Variants in NRK observed in about 807,000 individuals in gnomAD.
The protein encoded by NRK is nik-related protein kinase.
Under a neutral mutation model 125.2 loss-of-function variants are expected in NRK, and 67 were observed. The ratio of observed to expected loss-of-function variants is 0.54; its 90% confidence interval spans 0.44 to 0.66. The LOEUF (loss-of-function observed/expected upper bound fraction) is 0.66. Ranked by LOEUF, NRK falls within the 30% of genes least tolerant of loss-of-function variation. The pLI is 0.00. For missense variants in NRK, 1,224 were observed against 1,192.9 expected, an observed-to-expected ratio of 1.03 and a Z score of -0.38; for synonymous variants, 458 against 429.0, an observed-to-expected ratio of 1.07 and a Z score of -0.84.
At chrX:105,923,923 ATATG>A (rs201408143) in intron 18 of NRK, among the ~76,000 whole-genome samples, 2,400 of 87,587 alleles carry the variant, frequency 0.027, 133 homozygotes, top group African/African-American at 0.12. Context: ...ATATATATAT[ATATG>A]TGAAATTTAA....
intron 9 of NRK, among the ~76,000 whole-genome samples, chrX:105,903,269 C>A (rs1280862143): frequency 9.0e-6 from 1 of 110,570 alleles, no homozygotes; most frequent in Non-Finnish European, 1.9e-5. Context: ...TATTGTAGAT[C>A]ATTTTAAATA....
At chrX:105,826,026 C>T (rs2039087848) in intron 1 of NRK, among the ~76,000 whole-genome samples, 3 of 101,182 alleles carry the variant, frequency 3.0e-5, no homozygotes, top group Admixed American at 2.3e-4. Context: ...GCGTGTATGC[C>T]TCTCTGTCTC....
rs1043431630 is a variant in NRK at position 105,923,055 on chromosome X, C to G, written c.2611-63C>G. The stretch of plus-strand genomic sequence containing the variant: ...TTTCAAAATGTTGTCAGCTTGGAAA[C>G]TTTCCAATCTAGAAGAAAATGAAAG... On this transcript the variant is annotated intron_variant, in intron 17 of 28. Coordinates refer to ENST00000243300, the MANE Select transcript of NRK (RefSeq NM_198465.4). The G allele has an allele frequency of 3.4e-5, 35 of 1,025,199 alleles. No individual in the cohort carries two copies. In the Admixed American group the frequency reaches 1.1e-3, roughly 31 times the overall value. 84.5% of individuals were successfully genotyped at this position (1,025,199 alleles called of 1,213,427 possible).
At chrX:105,844,370 T>C (rs1302257420) in intron 2 of NRK, among the ~76,000 whole-genome samples, 1 of 111,392 alleles carries the variant, frequency 9.0e-6, no homozygotes, top group Non-Finnish European at 1.9e-5. Flanking sequence ...CCACCACCAC[T>C]ACTGCACCCA....
chrX:105,870,055 G>T (rs1020732828), intron 2 of NRK, among the ~76,000 whole-genome samples: 1 of 111,123 alleles, frequency 9.0e-6, no homozygotes, highest in African/African-American at 3.3e-5. Flanking sequence ...AAAGGAAAAG[G>T]TATACAATCT....
intron 16 of NRK, 71 bp from the exon 17 acceptor site, chrX:105,921,893 T>A: frequency 2.1e-6 from 1 of 471,470 alleles, no homozygotes; most frequent in Non-Finnish European, 3.7e-6. Flanking sequence ...GGGATTTAAC[T>A]GATACACTAT....
chrX:105,864,973 G>A (rs1298314849), intron 2 of NRK, among the ~76,000 whole-genome samples: 3 of 111,196 alleles, frequency 2.7e-5, no homozygotes, highest in African/African-American at 9.8e-5. Context: ...TGAAAAGCAG[G>A]GTTCTATTCT....
chrX:105,833,769 A>T (rs1168107238), intron 2 of NRK, among the ~76,000 whole-genome samples: 1 of 111,666 alleles, frequency 9.0e-6, no homozygotes, highest in Non-Finnish European at 1.9e-5. Context: ...GCATACAGTC[A>T]TATAACTGCC....
chrX:105,950,656 T>C (rs1259709127), intron 27 of NRK, among the ~76,000 whole-genome samples: 2 of 108,107 alleles, frequency 1.9e-5, no homozygotes, highest in African/African-American at 6.7e-5. Context: ...GTGTCCCATC[T>C]CAGAAAGCAA....
chrX:105,910,003 T>C, intron 13 of NRK, 121 bp downstream of exon 13: 1 of 501,047 alleles, frequency 2.0e-6, no homozygotes, highest in East Asian at 3.9e-5. Flanking sequence ...CTACAGAAGA[T>C]ATACTAAATA....
At chrX:105,919,872 T>G (rs967916703) in intron 16 of NRK, among the ~76,000 whole-genome samples, 1 of 110,495 alleles carries the variant, frequency 9.1e-6, no homozygotes, top group African/African-American at 3.3e-5. Context: ...TAGTTTCTTT[T>G]GCTGTGCAGA....
At chrX:105,823,868 T>G (rs921715008) in intron 1 of NRK, among the ~76,000 whole-genome samples, 1 of 112,439 alleles carries the variant, frequency 8.9e-6, no homozygotes, top group Non-Finnish European at 1.9e-5. Context: ...CGCGCTGGAA[T>G]GATCACCAGG....
intron 17 of NRK, among the ~76,000 whole-genome samples, chrX:105,922,829 G>T: frequency 9.0e-6 from 1 of 111,118 alleles, no homozygotes; most frequent in Non-Finnish European, 1.9e-5. Context: ...CAAATCTCCT[G>T]TTCTCTCCAG....
chrX:105,882,458 T>G (rs899362117), intron 4 of NRK, among the ~76,000 whole-genome samples: 1 of 111,194 alleles, frequency 9.0e-6, no homozygotes, highest in Non-Finnish European at 1.9e-5. Context: ...AAAGATAATC[T>G]CTCTTTTTCA....
intron 2 of NRK, among the ~76,000 whole-genome samples, chrX:105,877,354 G>T: frequency 9.0e-6 from 1 of 111,516 alleles, no homozygotes; most frequent in Middle Eastern, 4.6e-3. Context: ...TTTGGTTCTA[G>T]AAAAAGGACA....
chrX:105,852,613 A>AT (rs1338630948), intron 2 of NRK, among the ~76,000 whole-genome samples: 1 of 111,600 alleles, frequency 9.0e-6, no homozygotes, highest in African/African-American at 3.3e-5. Context: ...TAAAGCACAT[A>AT]TCAGATCTAA....
intron 19 of NRK, among the ~76,000 whole-genome samples, chrX:105,931,551 G>T (rs2040594856): frequency 9.0e-6 from 1 of 110,987 alleles, no homozygotes. Context: ...CCAATAAGGA[G>T]AATTTATTCC....
At position 105,859,290 on chromosome X, in the gene NRK, C is replaced by T. The variant is rs188711329; in HGVS notation, c.124-20909C>T. ...TTTGGGGGAGCTGAATTTCCACTTC[C>T]AAGCACAAACAGACCTATATAGAAT... On this transcript the variant is annotated intron_variant, in intron 2 of 28. Coordinates refer to ENST00000243300, the MANE Select transcript of NRK (RefSeq NM_198465.4). 3.8e-3 allele frequency among the ~76,000 whole-genome samples: 427 copies of T among 111,250 alleles called. 1 individual carries two copies. The highest frequency in any genetic ancestry group is 0.013 in the African/African-American group (393 of 30,618).
chrX:105,898,511 C>G, intron 7 of NRK, 73 bp from the exon 8 acceptor site: 15 of 973,816 alleles, frequency 1.5e-5, no homozygotes, highest in Non-Finnish European at 1.8e-5. Context: ...TATCAGCTTT[C>G]CAAGTTAAAG....
Sources: allele counts gnomAD v4.1 joint callset (sites outside exome capture counted in the v4.1 genomes callset), GRCh38; gene constraint gnomAD v4.1.1; transcripts MANE v1.5; gene names NCBI Gene and HGNC (gene_info 2026-07-23, HGNC 2026-07-21).